CALN1: variants seen among roughly 807,000 people sequenced by gnomAD.
CALN1 encodes calcium-binding protein 8.
Under a neutral mutation model 30.6 loss-of-function variants are expected in CALN1, and 17 were observed. The ratio of observed to expected loss-of-function variants is 0.56; its 90% confidence interval spans 0.38 to 0.83. The LOEUF (loss-of-function observed/expected upper bound fraction) is 0.83, where lower values mean the gene tolerates loss of function less well. Among genes scored for constraint, CALN1 ranks in the 40% least tolerant of loss-of-function variants. The pLI is 0.00. For synonymous variants in CALN1, 156 were observed against 131.4 expected (o/e 1.19, Z -1.28); for missense variants, 291 against 354.9 (o/e 0.82, Z 1.45).
At chr7:72,453,113 C>T in the CALN1 span, among the ~76,000 whole-genome samples, 3 of 152,194 alleles carry the variant, frequency 2.0e-5, no homozygotes, top group Admixed American at 1.3e-4. Context: ...ACTTTTCTTT[C>T]CCCCAGCCCT....
At chr7:72,040,323 T>TAA (rs11316833) in intron 4 of CALN1, among the ~76,000 whole-genome samples, 4 of 141,798 alleles carry the variant, frequency 2.8e-5, no homozygotes, top group Middle Eastern at 3.5e-3. Context: ...AAAATTACAA[T>TAA]AAAAAAAAAA....
intron 3 of CALN1, among the ~76,000 whole-genome samples, chr7:72,157,847 G>C (rs1173759338): frequency 6.6e-6 from 1 of 152,128 alleles, no homozygotes; most frequent in Non-Finnish European, 1.5e-5. Flanking sequence ...CCATTCAAGC[G>C]ATTCTCTTGC....
At chr7:71,824,953 T>C (rs1402479483) in intron 5 of CALN1, among the ~76,000 whole-genome samples, 1 of 152,188 alleles carries the variant, frequency 6.6e-6, no homozygotes, top group African/African-American at 2.4e-5. Flanking sequence ...GTACACAGTA[T>C]AAAAATACAG....
chr7:72,323,038 T>G (rs1440356200), intron 2 of CALN1, among the ~76,000 whole-genome samples: 2 of 149,916 alleles, frequency 1.3e-5, no homozygotes, highest in African/African-American at 2.5e-5. Context: ...AAAAACCAAT[T>G]TGTAATTCAA....
upstream of CALN1, among the ~76,000 whole-genome samples, chr7:72,451,399 G>T (rs1256161323): frequency 2.1e-5 from 3 of 142,346 alleles, no homozygotes; most frequent in African/African-American, 5.2e-5. Flanking sequence ...GGAGGAGTGG[G>T]GGAAGGGGGA....
chr7:72,157,140 G>A (rs949313510), intron 3 of CALN1, among the ~76,000 whole-genome samples: 4 of 152,166 alleles, frequency 2.6e-5, no homozygotes, highest in Non-Finnish European at 4.4e-5. Context: ...GATCTTGATC[G>A]ATGACATGGG....
the CALN1 span, among the ~76,000 whole-genome samples, chr7:72,502,136 G>A: frequency 6.7e-6 from 1 of 149,172 alleles, no homozygotes; most frequent in African/African-American, 2.4e-5. Context: ...CATTTATGAA[G>A]TAACTGAAAT....
chr7:71,971,979 A>AAGAC (rs1797853922), intron 5 of CALN1, among the ~76,000 whole-genome samples: 3 of 142,554 alleles, frequency 2.1e-5, no homozygotes, highest in Non-Finnish European at 3.1e-5. Context: ...GAAAGAAAGA[A>AAGAC]AGAAAGAAAG....
chr7:71,906,096 A>G (rs749873269), intron 5 of CALN1, among the ~76,000 whole-genome samples: 20 of 152,320 alleles, frequency 1.3e-4, no homozygotes, highest in Non-Finnish European at 2.5e-4. Flanking sequence ...TCCTCCCTCA[A>G]TATCTGGGGA....
chr7:72,018,207 G>A (rs903838403), intron 5 of CALN1, among the ~76,000 whole-genome samples: 1 of 152,044 alleles, frequency 6.6e-6, no homozygotes, highest in African/African-American at 2.4e-5. Context: ...CTTATTCTTG[G>A]ATACAAGTAG....
At chr7:72,000,988 G>A (rs1327257854) in intron 5 of CALN1, among the ~76,000 whole-genome samples, 1 of 152,202 alleles carries the variant, frequency 6.6e-6, no homozygotes, top group Non-Finnish European at 1.5e-5. Context: ...TAGCACCAGG[G>A]AAAGGCAGTC....
At chr7:72,006,698 C>T (rs950721805) in intron 5 of CALN1, among the ~76,000 whole-genome samples, 7 of 151,892 alleles carry the variant, frequency 4.6e-5, no homozygotes, top group Non-Finnish European at 8.8e-5. Context: ...GGATGGACCA[C>T]GAAGGCTATT....
At chr7:72,195,326 A>C (rs1460615275) in intron 3 of CALN1, among the ~76,000 whole-genome samples, 1 of 152,180 alleles carries the variant, frequency 6.6e-6, no homozygotes, top group African/African-American at 2.4e-5. Flanking sequence ...GCACATATTT[A>C]AGTGCATAAC....
At chr7:72,181,471 T>G (rs1053056973) in intron 3 of CALN1, among the ~76,000 whole-genome samples, 1 of 144,336 alleles carries the variant, frequency 6.9e-6, no homozygotes, top group African/African-American at 2.6e-5. Context: ...TAGCTCATAG[T>G]AAGGATTTCC....
intron 3 of CALN1, among the ~76,000 whole-genome samples, chr7:72,209,942 C>T (rs1342293696): frequency 6.6e-6 from 1 of 152,142 alleles, no homozygotes; most frequent in Non-Finnish European, 1.5e-5. Context: ...CTATGGGATA[C>T]TTCAATCAAA....
chr7:72,250,837 A>G lies in CALN1; in HGVS notation c.244+27849T>C, dbSNP rs764132169. Among the ~76,000 whole-genome samples, 17 of 152,270 alleles carry G rather than the reference A, an allele frequency of 1.1e-4. 1 individual carries two copies. The Middle Eastern group carries it at 0.017, about 152-fold the overall frequency. On this transcript the variant is annotated intron_variant, in intron 3 of 6. Transcript: ENST00000395275. ...CCACGCTCGTATAGCCTGCAGAACC[A>G]TGAGCCAAATAAACCTCTTTTCTTC...
At chr7:71,825,448 C>T (rs1270108434) in intron 5 of CALN1, among the ~76,000 whole-genome samples, 5 of 152,050 alleles carry the variant, frequency 3.3e-5, no homozygotes, top group Admixed American at 2.6e-4. Flanking sequence ...CTTTTATCAT[C>T]GTATTAGTCC....
intron 3 of CALN1, among the ~76,000 whole-genome samples, chr7:72,257,413 G>A (rs1192921398): frequency 6.6e-6 from 1 of 151,812 alleles, no homozygotes; most frequent in Non-Finnish European, 1.5e-5. Context: ...ACAATGAGAT[G>A]CCACCTTACT....
Position 71,857,641 on chromosome 7 carries a change from C to T in CALN1, c.502-47149G>A, listed in dbSNP as rs530059968. 2.1e-4 allele frequency among the ~76,000 whole-genome samples: 32 copies of T among 152,276 alleles called. No individual in the cohort carries two copies. The East Asian group carries it at 5.4e-3, about 26-fold the overall frequency. On this transcript the variant is annotated intron_variant, in intron 5 of 6. Coordinates refer to ENST00000395275, the MANE Select transcript of CALN1 (RefSeq NM_031468.4). ...AGTTGCCCCCGCCCACTTAATCAGG[C>T]GAGCGCTGAGGCTGCAGAGGTGGCA...
Sources: gnomAD v4.1 joint callset for allele counts (sites outside exome capture counted in the v4.1 genomes callset) on GRCh38, gnomAD v4.1.1 for gene constraint, MANE v1.5 for transcripts, NCBI Gene and HGNC (gene_info 2026-07-23, HGNC 2026-07-21) for gene names.